Variants in NASP observed in about 807,000 individuals in gnomAD.
NASP encodes NASP histone chaperone.
A neutral mutation model predicts 89.5 loss-of-function variants in NASP; 24 were observed. That is an observed-to-expected ratio of 0.27 (90% confidence interval 0.19 to 0.38). The LOEUF (loss-of-function observed/expected upper bound fraction) is 0.38, where lower values mean the gene tolerates loss of function less well. Among genes scored for constraint, NASP ranks in the 10% least tolerant of loss-of-function variants. The probability of loss-of-function intolerance (pLI) is 1.00; values close to 1 mark genes in which losing one functional copy is unlikely to be tolerated. For synonymous variants in NASP, 306 were observed against 324.7 expected (o/e 0.94, Z 0.62); for missense variants, 848 against 921.4 (o/e 0.92, Z 1.03).
rs1013959246 is a variant in NASP at position 45,614,116 on chromosome 1, G to A, written c.1527G>A (p.Glu509=). Residue 509 remains glutamate, a synonymous_variant, in exon 8 of 15, where the codon GAG becomes GAA. Coordinates refer to ENST00000350030, the MANE Select transcript of NASP (RefSeq NM_002482.4). ...TTTAGTCTCTTCAAGAAAATGAGGA[G>A]GAGGAGATTGGGAACCTAGAGCTTG... is the stretch of plus-strand genomic sequence containing the variant. ...LENKSLQENE[E]EEIGNLELAW... 6.2e-7 allele frequency: 1 copy of A among 1,606,502 alleles called. No individual in the cohort carries two copies. Among genetic ancestry groups the A allele is most frequent in the Non-Finnish European group, 8.5e-7 (1 of 1,173,024 alleles).
At chr1:45,617,376 GCAC>G in intron 13 of NASP, 84 bp from the exon 14 acceptor site, 6 of 1,464,612 alleles carry the variant, frequency 4.1e-6, no homozygotes, top group Non-Finnish European at 5.6e-6. Flanking sequence ...CAGGATCTTT[GCAC>G]CACAAGGGTT....
intron 2 of NASP, among the ~76,000 whole-genome samples, chr1:45,593,308 T>C (rs991084031): frequency 1.3e-5 from 2 of 152,066 alleles, no homozygotes; most frequent in Admixed American, 6.6e-5. Flanking sequence ...TGAAGTGGGC[T>C]GATCACTTGA....
At position 45,618,337 on chromosome 1, in the gene NASP, C is replaced by A; in HGVS notation, c.*196C>A. The A allele has an allele frequency of 2.0e-6, 1 of 507,038 alleles. No homozygotes were observed. The highest frequency in any genetic ancestry group is 3.7e-6 in the Non-Finnish European group (1 of 272,900). The allele number at this position is 507,038 out of a possible 1,614,324, so 31.4% of individuals were successfully genotyped here. A position where few individuals can be genotyped will look rare whatever the true frequency, so the allele number is the denominator to read the frequency against. ...TTATATATTAGCCAAAGGTTTTGTT[C>A]TGGCCTTCTGTACTGATCTGTGTTC... is the stretch of plus-strand genomic sequence containing the variant. On this transcript the variant is annotated 3_prime_UTR_variant, in exon 15 of 15. Transcript: ENST00000350030.
intron 2 of NASP, among the ~76,000 whole-genome samples, chr1:45,599,856 A>G (rs888531623): frequency 5.3e-5 from 8 of 151,860 alleles, no homozygotes; most frequent in Non-Finnish European, 1.0e-4. Context: ...AGCTTACTCT[A>G]GCCAGAAGAG....
At chr1:45,599,371 T>G (rs1188949293) in intron 2 of NASP, among the ~76,000 whole-genome samples, 2 of 152,162 alleles carry the variant, frequency 1.3e-5, no homozygotes, top group Non-Finnish European at 2.9e-5. Flanking sequence ...CCTCCCAAAG[T>G]GCTGGGACTA....
In NASP at chr1:45,616,616, A is replaced by C. The variant is rs763177737; in HGVS notation, c.2080-10A>C. ...CTTGTACAATTGCTAATAAGGGCTT[A>C]TTTTGCCAGATTGCCAGTAGAAAGC... On this transcript the variant is annotated splice_polypyrimidine_tract_variant and intron_variant, in intron 12 of 14. Transcript: ENST00000350030. 4 of 1,613,260 alleles carry C rather than the reference A, an allele frequency of 2.5e-6. No homozygotes were observed. The South Asian group carries it at 3.3e-5, about 13-fold the overall frequency.
chr1:45,599,387 A>C (rs1442320093), intron 2 of NASP, among the ~76,000 whole-genome samples: 1 of 152,110 alleles, frequency 6.6e-6, no homozygotes, highest in African/African-American at 2.4e-5. Context: ...GACTACAGGC[A>C]TGAGCCACCA....
Position 45,615,452 on chromosome 1 carries a change from T to C in NASP, c.2003T>C (p.Leu668Pro). 1.2e-6 allele frequency: 2 copies of C among 1,613,088 alleles called. No homozygotes were observed. Among genetic ancestry groups the C allele is most frequent in the Non-Finnish European group, 8.5e-7 (1 of 1,179,784 alleles). The change falls in exon 11 of 15, where the codon CTG (leucine) becomes CCG (proline). Residue 668 changes from leucine (L) to proline (P), a missense_variant. This residue lies in a region of NASP where 218 missense variants were observed against 219.6 expected (regional missense o/e 0.99). Transcript: ENST00000350030. ...CAGCGTAGTGGGAATGTAGCTGAAC[T>C]GGCTCTGAAAGCTACTCTGGTTGGT... ...ESQRSGNVAE[L>P]ALKATLVESS...
At chr1:45,617,309 G>A (rs1319945598) in intron 13 of NASP, 154 bp from the exon 14 acceptor site, 3 of 761,928 alleles carry the variant, frequency 3.9e-6, no homozygotes, top group Non-Finnish European at 6.4e-6. Context: ...GAGAGTACAG[G>A]TTGGCATCTG....
Position 45,596,847 on chromosome 1 carries a change from T to TG in NASP, c.108-5406dup, listed in dbSNP as rs367747043. ...AAATACAAAAATTAGCGGGGCATGG[T>TG]GGCATGTCCCTGTAATCCCTGCTAC... On this transcript the variant is annotated intron_variant, in intron 2 of 14. Coordinates refer to ENST00000350030, the MANE Select transcript of NASP (RefSeq NM_002482.4). Among the ~76,000 whole-genome samples the TG allele has an allele frequency of 6.2e-3, 949 of 152,104 alleles. 10 individuals are homozygous for TG. The highest frequency in any genetic ancestry group is 0.021 in the African/African-American group (884 of 41,486).
Position 45,608,145 on chromosome 1 carries a change from G to C in NASP, c.1234G>C (p.Glu412Gln). Residue 412 changes from glutamate (E) to glutamine (Q), a missense_variant, in exon 6 of 15, where the codon GAG becomes CAG. Physicochemically the swap from Glu to Gln is conservative, Grantham distance 29 (BLOSUM62 2). Coordinates refer to ENST00000350030, the MANE Select transcript of NASP (RefSeq NM_002482.4). Reference sequence around the variant, plus strand: ...AACAAAAGATGGCTCAGGACTAGAGGAGAAGGTCAGGGCAAAGCTGGTTCC... The same window carrying C: ...AACAAAAGATGGCTCAGGACTAGAGCAGAAGGTCAGGGCAAAGCTGGTTCC... ...TETKDGSGLE[E>Q]KVRAKLVPSQ... 6.2e-7 allele frequency: 1 copy of C among 1,614,118 alleles called. No individual in the cohort carries two copies. The highest frequency in any genetic ancestry group is 8.5e-7 in the Non-Finnish European group (1 of 1,179,996).
intron 1 of NASP, chr1:45,589,011 T>C (rs1643442651): frequency 6.3e-6 from 1 of 157,774 alleles, no homozygotes; most frequent in African/African-American, 2.4e-5. Context: ...TCCATTAATC[T>C]ATTCCCATTG....
At chr1:45,613,131 T>C (rs1286745818) in intron 6 of NASP, 38 bp from the exon 7 acceptor site, 2 of 1,584,892 alleles carry the variant, frequency 1.3e-6, no homozygotes, top group South Asian at 2.3e-5. Context: ...AATACGTTCT[T>C]AGTTATATTC....
At chr1:45,617,255 T>C (rs1644122842) in intron 13 of NASP, 4 of 518,362 alleles carry the variant, frequency 7.7e-6, no homozygotes, top group Admixed American at 7.5e-5. Context: ...GTGCTTCCGG[T>C]AGAGGGGCCT....
chr1:45,609,845 TCCCAAGTTAC>T (rs1039489366), intron 6 of NASP: 6 of 152,224 alleles, frequency 3.9e-5, no homozygotes, highest in African/African-American at 1.2e-4. Flanking sequence ...ATATTATTCT[TCCCAAGTTAC>T]CACACATTGA....
rs749742031 is a variant in NASP at position 45,617,454 on chromosome 1, T to C, written c.2158-9T>C. The C allele has an allele frequency of 1.5e-5, 24 of 1,609,884 alleles. No individual in the cohort carries two copies. The highest frequency in any genetic ancestry group is 1.9e-5 in the Non-Finnish European group (22 of 1,178,940). The stretch of plus-strand genomic sequence containing the variant: ...CACATTTGTGAAGCCTTCACAATTA[T>C]ATCTTTAGAGGAAACCAGAGGAAGA... On this transcript the variant is annotated splice_polypyrimidine_tract_variant and intron_variant, in intron 13 of 14. Coordinates refer to ENST00000350030, the MANE Select transcript of NASP (RefSeq NM_002482.4).
rs139279656 is a variant in NASP at position 45,615,137 on chromosome 1, C to G, written c.1791C>G (p.Asn597Lys). The G allele has an allele frequency of 4.0e-3, 6,535 of 1,614,136 alleles. 28 individuals are homozygous for G. The highest frequency in any genetic ancestry group is 0.015 in the Admixed American group (872 of 60,000). The change falls in exon 10 of 15, where the codon AAC becomes AAG. Residue 597 changes from asparagine (N) to lysine (K), a missense_variant. Around this residue, in one of 5 missense-constraint regions of NASP, gnomAD observed 60 missense variants for 114.6 expected, o/e 0.52. Coordinates refer to ENST00000350030, the MANE Select transcript of NASP (RefSeq NM_002482.4). Reference protein sequence around the residue: ...HYQLGLAYGYNSQYDEAVAQF... With the variant: ...HYQLGLAYGYKSQYDEAVAQF... ...AGCTGGGCTTGGCTTATGGGTACAA[C>G]TCTCAGTATGATGAGGCAGTGGCAC...
At chr1:45,607,225 T>C in intron 5 of NASP, 96 bp from the exon 6 acceptor site, 1 of 1,290,778 alleles carries the variant, frequency 7.7e-7, no homozygotes. Context: ...GGTAGGCTTT[T>C]TGAGGGTTTA....
At chr1:45,613,924 A>G (rs1445623516) in intron 7 of NASP, among the ~76,000 whole-genome samples, 172 bp from the exon 8 acceptor site, 4 of 152,200 alleles carry the variant, frequency 2.6e-5, no homozygotes, top group East Asian at 1.9e-4. Context: ...CTGTTAAAAT[A>G]TCAGTGACAT....
Sources: gnomAD v4.1 joint callset for allele counts (sites outside exome capture counted in the v4.1 genomes callset) on GRCh38, gnomAD v4.1.1 for gene constraint, gnomAD v4.1.1 regional missense constraint, MANE v1.5 for transcripts, NCBI Gene and HGNC (gene_info 2026-07-23, HGNC 2026-07-21) for gene names.